Variants in CHSY3 observed in about 807,000 individuals in gnomAD.
CHSY3 encodes N-acetylgalactosaminyl-proteoglycan 3-beta-glucuronosyltransferase 3.
CHSY3 carries 35 observed loss-of-function variants against 67.2 expected under a neutral mutation model. That is an observed-to-expected ratio of 0.52 (90% CI 0.40 to 0.69). CHSY3 has a LOEUF of 0.69. Ranked by LOEUF, CHSY3 falls within the 30% of genes least tolerant of loss-of-function variation. The pLI, the probability that CHSY3 is intolerant of heterozygous loss-of-function variation, is 0.00. For missense variants in CHSY3, 1,069 were observed against 1,138.5 expected (o/e 0.94, Z 0.88); for synonymous variants, 474 against 434.7 (o/e 1.09, Z -1.12).
intron 2 of CHSY3, among the ~76,000 whole-genome samples, chr5:130,033,440 C>A (rs1205937116): frequency 6.6e-6 from 1 of 152,126 alleles, no homozygotes; most frequent in Non-Finnish European, 1.5e-5. Context: ...CTGTTGGGGT[C>A]CCCTGATCCA....
chr5:129,973,067 A>C (rs1213485517), intron 2 of CHSY3, among the ~76,000 whole-genome samples: 3 of 152,026 alleles, frequency 2.0e-5, no homozygotes, highest in South Asian at 2.1e-4. Flanking sequence ...CTGCTCCTCT[A>C]TCCCCTCAAT....
At chr5:130,108,155 A>G (rs1767472506) in intron 2 of CHSY3, among the ~76,000 whole-genome samples, 1 of 151,572 alleles carries the variant, frequency 6.6e-6, no homozygotes, top group Non-Finnish European at 1.5e-5. Flanking sequence ...TATAATTTAT[A>G]CACTCTAGTT....
At chr5:129,969,015 G>GA (rs1762553487) in intron 2 of CHSY3, among the ~76,000 whole-genome samples, 1 of 151,728 alleles carries the variant, frequency 6.6e-6, no homozygotes, top group Non-Finnish European at 1.5e-5. Flanking sequence ...TAATTTATGT[G>GA]AAAAATGCTT....
chr5:130,020,439 ATATATATATATATATATATATATTTTTTT>A (rs1353653603), intron 2 of CHSY3, among the ~76,000 whole-genome samples: 10 of 7,572 alleles, frequency 1.3e-3, no homozygotes, highest in African/African-American at 2.4e-3. Context: ...ATATATATAT[ATATATATATATATATATATATATTTTTTT>A]TTTTTTTTTT....
chr5:130,176,958 A>G (rs7714911), intron 2 of CHSY3, among the ~76,000 whole-genome samples: 2,742 of 152,180 alleles, frequency 0.018, 95 homozygotes, highest in African/African-American at 0.063. Context: ...GTATCTGCAC[A>G]TGTATCCCAG....
chr5:129,948,370 G>A lies in CHSY3; in HGVS notation c.1086+40010G>A, dbSNP rs576269663. Reference sequence around the variant, plus strand: ...TTTTCCTGGGTCCCAAAAATCCATTGTATTGTTCTTATGCCTTTGCATCCT... The same window carrying A: ...TTTTCCTGGGTCCCAAAAATCCATTATATTGTTCTTATGCCTTTGCATCCT... On this transcript the variant is annotated intron_variant, in intron 2 of 2. Coordinates refer to ENST00000305031, the MANE Select transcript of CHSY3 (RefSeq NM_175856.5). Among the ~76,000 whole-genome samples, 7 of 152,156 alleles carry A rather than the reference G, an allele frequency of 4.6e-5. No homozygotes were observed. The East Asian group carries it at 9.7e-4, about 21-fold the overall frequency.
At chr5:130,101,769 G>A (rs1258647209) in intron 2 of CHSY3, among the ~76,000 whole-genome samples, 1 of 151,980 alleles carries the variant, frequency 6.6e-6, no homozygotes, top group Non-Finnish European at 1.5e-5. Flanking sequence ...GGGACACTGG[G>A]AAATCATTTG....
intron 2 of CHSY3, among the ~76,000 whole-genome samples, chr5:129,946,142 T>C (rs1000430205): frequency 6.6e-6 from 1 of 152,338 alleles, no homozygotes; most frequent in Non-Finnish European, 1.5e-5. Flanking sequence ...CAGTTATTTC[T>C]TTTGTCCTTA....
intron 2 of CHSY3, among the ~76,000 whole-genome samples, chr5:130,075,896 A>G (rs1766233947): frequency 6.6e-6 from 1 of 152,146 alleles, no homozygotes; most frequent in Admixed American, 6.6e-5. Context: ...TTCAAAAAGT[A>G]CTGTTTCCTC....
At chr5:130,001,221 G>A (rs1580635401) in intron 2 of CHSY3, among the ~76,000 whole-genome samples, 1 of 152,002 alleles carries the variant, frequency 6.6e-6, no homozygotes, top group African/African-American at 2.4e-5. Flanking sequence ...TTAGGCAAAG[G>A]GCTCCACCTC....
chr5:130,146,487 T>TA (rs1769078526), intron 2 of CHSY3, among the ~76,000 whole-genome samples: 1 of 152,134 alleles, frequency 6.6e-6, no homozygotes, highest in Non-Finnish European at 1.5e-5. Context: ...GGCTGGTTAA[T>TA]AGGCAGAAAT....
At chr5:129,963,793 G>GC (rs1762398865) in intron 2 of CHSY3, among the ~76,000 whole-genome samples, 1 of 148,046 alleles carries the variant, frequency 6.8e-6, no homozygotes. Context: ...TATAATGTCA[G>GC]TTTTTTTTTT....
chr5:130,132,969 T>C (rs1195222427), intron 2 of CHSY3, among the ~76,000 whole-genome samples: 1 of 152,216 alleles, frequency 6.6e-6, no homozygotes, highest in African/African-American at 2.4e-5. Context: ...CAATAGTTAA[T>C]ATTTTCTAAG....
intron 2 of CHSY3, among the ~76,000 whole-genome samples, chr5:129,982,306 AC>A (rs1236483222): frequency 1.3e-5 from 2 of 152,112 alleles, no homozygotes; most frequent in African/African-American, 2.4e-5. Context: ...CACAAAAAAA[AC>A]AACCCATCAA....
chr5:130,067,156 G>T (rs1411468949), intron 2 of CHSY3, among the ~76,000 whole-genome samples: 5 of 152,030 alleles, frequency 3.3e-5, no homozygotes. Context: ...CTCACAATTA[G>T]GACTTTCCAA....
intron 2 of CHSY3, among the ~76,000 whole-genome samples, chr5:130,023,628 T>C (rs1254818420): frequency 1.3e-5 from 2 of 151,976 alleles, no homozygotes; most frequent in Non-Finnish European, 1.5e-5. Context: ...AGATTTACAG[T>C]TTTTCAGTAA....
At chr5:129,936,895 T>G (rs2149591948) in intron 2 of CHSY3, among the ~76,000 whole-genome samples, 2 of 152,348 alleles carry the variant, frequency 1.3e-5, no homozygotes, top group Middle Eastern at 3.4e-3. Flanking sequence ...GCTGCTCATG[T>G]TATTCCCTTG....
intron 2 of CHSY3, among the ~76,000 whole-genome samples, chr5:130,115,637 T>G (rs1320556138): frequency 2.0e-5 from 3 of 152,206 alleles, no homozygotes; most frequent in Admixed American, 6.5e-5. Flanking sequence ...CCACAAGATC[T>G]TCTGTCCAAA....
intron 2 of CHSY3, among the ~76,000 whole-genome samples, chr5:129,982,367 T>A (rs2149623497): frequency 6.6e-6 from 1 of 152,218 alleles, no homozygotes; most frequent in Admixed American, 6.5e-5. Flanking sequence ...AATTGCAAAT[T>A]TTTTTAACAT....
Sources: allele counts gnomAD v4.1 joint callset (sites outside exome capture counted in the v4.1 genomes callset), GRCh38; gene constraint gnomAD v4.1.1; transcripts MANE v1.5; gene names NCBI Gene and HGNC (gene_info 2026-07-23, HGNC 2026-07-21).